GALNS: variants seen among roughly 807,000 people sequenced by gnomAD.
The protein encoded by GALNS is N-acetylgalactosamine-6-sulfatase.
In GALNS, 65 loss-of-function variants were observed where a neutral mutation model predicts 65.9. That is an observed-to-expected ratio of 0.99 (90% CI 0.81 to 1.21). The LOEUF (loss-of-function observed/expected upper bound fraction) is 1.21. Ranked by LOEUF, GALNS falls within the 50% of genes most tolerant of loss-of-function variation. The pLI is 0.00. For synonymous variants in GALNS, 346 were observed against 288.9 expected (o/e 1.20, Z -2.00); for missense variants, 776 against 700.7 (o/e 1.11, Z -1.21).
intron 12 of GALNS, 106 bp from the exon 13 acceptor site, chr16:88,818,230 A>G: frequency 1.1e-6 from 1 of 901,876 alleles, no homozygotes; most frequent in Non-Finnish European, 1.8e-6. Context: ...GCTGAGAACC[A>G]CAGTGAGCAG....
At chr16:88,838,026 G>C in intron 4 of GALNS, 1 of 487,068 alleles carries the variant, frequency 2.1e-6, no homozygotes, top group Non-Finnish European at 3.8e-6. Flanking sequence ...TTCCCTGCAC[G>C]GTGAAGGGTG....
intron 8 of GALNS, among the ~76,000 whole-genome samples, chr16:88,832,787 G>T (rs1166891170): frequency 6.6e-6 from 1 of 152,186 alleles, no homozygotes; most frequent in Non-Finnish European, 1.5e-5. Context: ...GGGGCCGGCT[G>T]CGGTGGCTCA....
At position 88,835,253 on chromosome 16, in the gene GALNS, C is replaced by T. The variant is rs140299014; in HGVS notation, c.858G>A (p.Thr286=). Residue 286 remains threonine (T), a synonymous_variant, in exon 8 of 14, where the codon ACG becomes ACA. Coordinates refer to ENST00000268695, the MANE Select transcript of GALNS (RefSeq NM_000512.5). ...HVADNTFVFF[T]SDNGAALISA... is the part of the protein sequence containing the mutation. ...AAATGAGGGCAGCGCCGTTGTCCGA[C>T]GTGAAGAAGACGAAGGTGTTGTCCG... is the stretch of plus-strand genomic sequence containing the variant. 2,459 of 1,607,482 alleles carry T rather than the reference C, an allele frequency of 1.5e-3. 2 individuals carry two copies. Among genetic ancestry groups the T allele is most frequent in the Non-Finnish European group, 2.0e-3 (2,315 of 1,176,738 alleles).
At chr16:88,829,294 C>T (rs1018887505) in intron 9 of GALNS, among the ~76,000 whole-genome samples, 2 of 152,192 alleles carry the variant, frequency 1.3e-5, no homozygotes, top group Non-Finnish European at 2.9e-5. Context: ...GGGGATGGCG[C>T]TCAGGGGAGT....
At chr16:88,855,806 A>G (rs747134365) in intron 1 of GALNS, 3 of 516,112 alleles carry the variant, frequency 5.8e-6, no homozygotes, top group Non-Finnish European at 1.0e-5. Context: ...TGGTCAGCAC[A>G]GGTGGGTCTG....
intron 1 of GALNS, chr16:88,855,268 C>G: frequency 1.4e-6 from 1 of 699,968 alleles, no homozygotes; most frequent in South Asian, 1.5e-5. Flanking sequence ...AGAAACTTAA[C>G]AGGGAGGCTT....
At position 88,856,788 on chromosome 16, in the gene GALNS, G is replaced by C. The variant is rs1967938638; in HGVS notation, c.90C>G (p.Pro30=). 1 of 1,543,886 alleles carries C rather than the reference G, an allele frequency of 6.5e-7. No homozygotes were observed. Among genetic ancestry groups the C allele is most frequent in the Non-Finnish European group, 8.7e-7 (1 of 1,155,662 alleles). ...AGMGASGAPQ[P]PNILLLLMDD... ...CCATGAGCAGGAGCAGGATGTTGGGGGGCTGCGGGGCGCCCGAGGCCCCCA... is the reference window on the plus strand; with the variant it reads ...CCATGAGCAGGAGCAGGATGTTGGGCGGCTGCGGGGCGCCCGAGGCCCCCA... The change falls in exon 1 of 14, where the codon CCC becomes CCG. Residue 30 remains proline (P), a synonymous_variant. Coordinates refer to ENST00000268695, the MANE Select transcript of GALNS (RefSeq NM_000512.5).
At chr16:88,824,300 A>G (rs1910568856) in intron 11 of GALNS, among the ~76,000 whole-genome samples, 2 of 152,064 alleles carry the variant, frequency 1.3e-5, no homozygotes, top group South Asian at 4.1e-4. Context: ...ATGCTGGGGT[A>G]GCCTGGGGCG....
Position 88,824,756 on chromosome 16 carries a change from G to A in GALNS, c.1242+11C>T, listed in dbSNP as rs754688953. On this transcript the variant is annotated intron_variant, in intron 11 of 13. Transcript: ENST00000268695. ...GCAGCTCCGCCTGCGCCCACGTCCC[G>A]AGCCCTGTACCTGTCTGAAGTTCTC... The A allele has an allele frequency of 1.6e-5, 26 of 1,611,148 alleles. No homozygotes were observed. Among genetic ancestry groups the A allele is most frequent in the African/African-American group, 2.7e-5 (2 of 74,876 alleles).
chr16:88,842,132 C>CCAGGTGGTGGAG, intron 2 of GALNS, 161 bp from the exon 3 acceptor site: 1 of 725,760 alleles, frequency 1.4e-6, no homozygotes, highest in Non-Finnish European at 2.5e-6. Context: ...GCGTCTCCAC[C>CCAGGTGGTGGAG]ACCTGGGTGG....
At chr16:88,847,919 C>T (rs1216682740) in intron 1 of GALNS, among the ~76,000 whole-genome samples, 1 of 152,250 alleles carries the variant, frequency 6.6e-6, no homozygotes, top group Non-Finnish European at 1.5e-5. Flanking sequence ...CGGCTCGCTC[C>T]CTGGCAGCCA....
At chr16:88,836,813 G>C (rs955257618) in intron 5 of GALNS, among the ~76,000 whole-genome samples, 5 of 152,194 alleles carry the variant, frequency 3.3e-5, no homozygotes, top group African/African-American at 9.7e-5. Flanking sequence ...GGGGGAATGG[G>C]GCTGAGGGCA....
Position 88,835,853 on chromosome 16 carries a change from T to C in GALNS, c.634-4A>G. 1 of 1,614,014 alleles carries C rather than the reference T, an allele frequency of 6.2e-7. No individual in the cohort carries two copies. On this transcript the variant is annotated splice_region_variant and splice_polypyrimidine_tract_variant and intron_variant, in intron 6 of 13. Coordinates refer to ENST00000268695, the MANE Select transcript of GALNS (RefSeq NM_000512.5). ...TCTTAATGAAGTCCAGGGCTTCCTATGGAGAGAGCCACACCGTCGTCCTCC... is the reference window on the plus strand; with the variant it reads ...TCTTAATGAAGTCCAGGGCTTCCTACGGAGAGAGCCACACCGTCGTCCTCC...
At chr16:88,822,498 GGGTGCAGAGGGCTCTGTCCCTGT>G in intron 12 of GALNS, 68 bp downstream of exon 12, 1 of 1,537,202 alleles carries the variant, frequency 6.5e-7, no homozygotes, top group Non-Finnish European at 8.9e-7. Context: ...GCGGCGGGCA[GGGTGCAGAGGGCTCTGTCCCTGT>G]GGAGCCTGCA....
chr16:88,835,255 TGAA>T lies in GALNS; in HGVS notation c.853_855del (p.Phe285del), dbSNP rs768664270. 3.7e-6 allele frequency: 6 copies of T among 1,608,582 alleles called. No individual in the cohort carries two copies. The highest frequency in any genetic ancestry group is 2.5e-6 in the Non-Finnish European group (3 of 1,177,336). On this transcript the variant is annotated inframe_deletion, in exon 8 of 14. Transcript: ENST00000268695. Reference sequence around the variant, plus strand: ...ATGAGGGCAGCGCCGTTGTCCGACGTGAAGAAGACGAAGGTGTTGTCCGCGACG... The same window carrying T: ...ATGAGGGCAGCGCCGTTGTCCGACGTGAAGACGAAGGTGTTGTCCGCGACG...
At chr16:88,856,324 C>T in intron 1 of GALNS, 1 of 702,708 alleles carries the variant, frequency 1.4e-6, no homozygotes. Flanking sequence ...AGCTCTCAGG[C>T]AGGGCGGCAG....
At chr16:88,831,931 C>T (rs1396209070) in intron 9 of GALNS, 67 bp downstream of exon 9, 11 of 1,363,250 alleles carry the variant, frequency 8.1e-6, no homozygotes, top group Admixed American at 1.8e-5. Flanking sequence ...CAGTGAGGGG[C>T]GCACACACCC....
At chr16:88,846,108 T>G (rs1357568167) in intron 1 of GALNS, among the ~76,000 whole-genome samples, 1 of 152,252 alleles carries the variant, frequency 6.6e-6, no homozygotes, top group Admixed American at 6.5e-5. Flanking sequence ...GTTGAGATAC[T>G]GGGAACAGAA....
intron 1 of GALNS, among the ~76,000 whole-genome samples, chr16:88,848,748 C>A (rs1248061577): frequency 6.6e-6 from 1 of 152,100 alleles, no homozygotes; most frequent in Non-Finnish European, 1.5e-5. Flanking sequence ...GAGGGGAAGC[C>A]CTCACCGGGG....
Sources: gnomAD v4.1 joint callset for allele counts (sites outside exome capture counted in the v4.1 genomes callset) on GRCh38, gnomAD v4.1.1 for gene constraint, MANE v1.5 for transcripts, NCBI Gene and HGNC (gene_info 2026-07-23, HGNC 2026-07-21) for gene names.